PCBP3: variants seen among roughly 807,000 people sequenced by gnomAD.
PCBP3 encodes poly(rC)-binding protein 3.
Under a neutral mutation model 52.7 loss-of-function variants are expected in PCBP3, and 25 were observed. The observed-to-expected ratio is 0.47, with a 90% confidence interval of 0.35 to 0.66. PCBP3 has a LOEUF of 0.66. PCBP3 is among the 30% of genes least tolerant of loss of function. The pLI, the probability that PCBP3 is intolerant of heterozygous loss-of-function variation, is 0.01. For missense variants in PCBP3, 391 were observed against 490.3 expected (o/e 0.80, Z 1.91); for synonymous variants, 162 against 183.0 (o/e 0.89, Z 0.93).
At chr21:45,780,013 G>T (rs2090519847) in intron 4 of PCBP3, among the ~76,000 whole-genome samples, 1 of 152,180 alleles carries the variant, frequency 6.6e-6, no homozygotes, top group South Asian at 2.1e-4. Flanking sequence ...AGGCAAATTA[G>T]TGGGAAAAGG....
At chr21:45,855,776 G>A (rs993867863) in intron 5 of PCBP3, among the ~76,000 whole-genome samples, 6 of 152,272 alleles carry the variant, frequency 3.9e-5, no homozygotes, top group African/African-American at 1.4e-4. Context: ...AGAACGCGCT[G>A]CAGAGGTGAC....
chr21:45,798,910 G>C (rs1417803222), intron 4 of PCBP3, among the ~76,000 whole-genome samples: 1 of 134,756 alleles, frequency 7.4e-6, no homozygotes, highest in Non-Finnish European at 1.7e-5. Context: ...ATGAATGCAT[G>C]GATCCATAGA....
Position 45,941,778 on chromosome 21 carries a change from C to T in PCBP3, c.*72C>T. On this transcript the variant is annotated 3_prime_UTR_variant, in exon 18 of 18. Coordinates refer to ENST00000681687, the MANE Select transcript of PCBP3 (RefSeq NM_001384156.1). Reference sequence around the variant, plus strand: ...AGGCCCCCGGCTCTCGCACTCTGTACAGCCCACCTTCCCTGCCTCACAGAT... The same window carrying T: ...AGGCCCCCGGCTCTCGCACTCTGTATAGCCCACCTTCCCTGCCTCACAGAT... 4.9e-6 allele frequency: 6 copies of T among 1,221,882 alleles called. No individual in the cohort carries two copies. In the Admixed American group the frequency reaches 8.7e-5, roughly 18 times the overall value. The allele number at this position is 1,221,882 out of a possible 1,614,324, so 75.7% of individuals were successfully genotyped here. A position where few individuals can be genotyped will look rare whatever the true frequency, so the allele number is the denominator to read the frequency against.
chr21:45,651,428 GA>G (rs2079677529), intron 1 of PCBP3, among the ~76,000 whole-genome samples: 1 of 152,106 alleles, frequency 6.6e-6, no homozygotes, highest in Non-Finnish European at 1.5e-5. Context: ...AGCACAAAAG[GA>G]TATTCAGTGT....
At chr21:45,936,213 G>C (rs971786087) in intron 16 of PCBP3, among the ~76,000 whole-genome samples, 1 of 152,256 alleles carries the variant, frequency 6.6e-6, no homozygotes, top group Admixed American at 6.5e-5. Flanking sequence ...GTGTGTGGAA[G>C]ATGGACAGTG....
intron 4 of PCBP3, among the ~76,000 whole-genome samples, chr21:45,779,285 T>G (rs1038482450): frequency 4.6e-5 from 7 of 152,184 alleles, no homozygotes; most frequent in Admixed American, 1.3e-4. Context: ...TTTTCAGGGC[T>G]GGTGAGGGTT....
At chr21:45,883,263 C>T (rs12481913) in intron 5 of PCBP3, among the ~76,000 whole-genome samples, 21,420 of 152,172 alleles carry the variant, frequency 0.14, 1,680 homozygotes, top group Middle Eastern at 0.28. Context: ...ACATACACTA[C>T]GGTTTCAATT....
chr21:45,783,617 T>G (rs1020956659), intron 4 of PCBP3, among the ~76,000 whole-genome samples: 1 of 152,144 alleles, frequency 6.6e-6, no homozygotes, highest in Admixed American at 6.5e-5. Flanking sequence ...GACGGGATTT[T>G]AACGTTGCAA....
intron 1 of PCBP3, among the ~76,000 whole-genome samples, chr21:45,646,089 C>CTT (rs2079258032): frequency 3.6e-4 from 31 of 84,962 alleles, no homozygotes; most frequent in Middle Eastern, 4.9e-3. Context: ...CTCTTTCTCT[C>CTT]TCTCTCTCTC....
chr21:45,784,459 ACC>A (rs2090937090), intron 4 of PCBP3, among the ~76,000 whole-genome samples: 4 of 144,928 alleles, frequency 2.8e-5, no homozygotes, highest in Middle Eastern at 3.6e-3. Flanking sequence ...CCTACCTCCT[ACC>A]TCCTACCTCC....
At chr21:45,653,837 T>C (rs1402486120) in intron 1 of PCBP3, among the ~76,000 whole-genome samples, 1 of 152,182 alleles carries the variant, frequency 6.6e-6, no homozygotes, top group African/African-American at 2.4e-5. Flanking sequence ...TCTGATAATG[T>C]GATTTTTTGA....
chr21:45,859,293 C>T (rs62211888), intron 5 of PCBP3, among the ~76,000 whole-genome samples: 1 of 11,584 alleles, frequency 8.6e-5, no homozygotes, highest in African/African-American at 5.5e-4. Flanking sequence ...GCGGGTCAGC[C>T]GGGCCGGGAG....
chr21:45,666,732 T>TG (rs1365484363), intron 1 of PCBP3, among the ~76,000 whole-genome samples: 1 of 141,238 alleles, frequency 7.1e-6, no homozygotes, highest in Non-Finnish European at 1.6e-5. Flanking sequence ...TTATTGAGAA[T>TG]TTTTTTTTTT....
intron 3 of PCBP3, among the ~76,000 whole-genome samples, chr21:45,753,139 A>T: frequency 6.7e-6 from 1 of 148,926 alleles, no homozygotes; most frequent in Admixed American, 6.7e-5. Flanking sequence ...AAAAAAAAAA[A>T]AAAAAAAAAA....
At chr21:45,819,791 C>A (rs574375869) in intron 4 of PCBP3, among the ~76,000 whole-genome samples, 5 of 152,350 alleles carry the variant, frequency 3.3e-5, no homozygotes, top group African/African-American at 4.8e-5. Context: ...TGTACCAGAA[C>A]GTCTAGCAGA....
intron 2 of PCBP3, among the ~76,000 whole-genome samples, chr21:45,707,344 C>A (rs961975028): frequency 6.6e-6 from 1 of 151,840 alleles, no homozygotes; most frequent in Admixed American, 6.6e-5. Flanking sequence ...GGTGAAACCC[C>A]GTCTCTATTA....
At chr21:45,877,695 A>G (rs1226710302) in intron 5 of PCBP3, among the ~76,000 whole-genome samples, 4 of 152,092 alleles carry the variant, frequency 2.6e-5, no homozygotes, top group Admixed American at 2.6e-4. Flanking sequence ...AGTCCCAGCC[A>G]CTCAGGAGGC....
intron 9 of PCBP3, among the ~76,000 whole-genome samples, chr21:45,901,916 C>T (rs949582879): frequency 1.3e-5 from 2 of 152,232 alleles, no homozygotes; most frequent in African/African-American, 4.8e-5. Context: ...TAATGAGGTG[C>T]ACTTTGTGGG....
intron 5 of PCBP3, among the ~76,000 whole-genome samples, chr21:45,877,807 A>T (rs1013093957): frequency 2.0e-5 from 3 of 151,378 alleles, no homozygotes; most frequent in African/African-American, 7.3e-5. Flanking sequence ...AAAAAAAAAA[A>T]TTAAATGAGG....
Sources: allele counts gnomAD v4.1 joint callset (sites outside exome capture counted in the v4.1 genomes callset), GRCh38; gene constraint gnomAD v4.1.1; transcripts MANE v1.5; gene names NCBI Gene and HGNC (gene_info 2026-07-23, HGNC 2026-07-21).